The following FAM117B variants were observed in gnomAD, a reference collection of about 807,000 sequenced individuals.
FAM117B encodes the protein protein FAM117B.
Under a neutral mutation model 52.8 loss-of-function variants are expected in FAM117B, and 22 were observed. That is an observed-to-expected ratio of 0.42 (90% confidence interval 0.30 to 0.59). The LOEUF is 0.59. Among genes scored for constraint, FAM117B ranks in the 20% least tolerant of loss-of-function variants. The pLI, the probability that FAM117B is intolerant of heterozygous loss-of-function variation, is 0.22. For missense variants in FAM117B, 678 were observed against 802.6 expected (o/e 0.84, Z 1.88); for synonymous variants, 309 against 324.1 (o/e 0.95, Z 0.50).
intron 2 of FAM117B, among the ~76,000 whole-genome samples, chr2:202,714,511 AGTT>A (rs1156810379): frequency 3.0e-4 from 44 of 146,516 alleles, no homozygotes; most frequent in African/African-American, 1.0e-3. Context: ...ATATATTTAC[AGTT>A]GTTATATCTT....
At chr2:202,683,322 C>CTT (rs1559101433) in intron 1 of FAM117B, among the ~76,000 whole-genome samples, 2 of 151,692 alleles carry the variant, frequency 1.3e-5, no homozygotes. Flanking sequence ...GGGTGAGACT[C>CTT]TGTCTCAAAA....
chr2:202,757,243 C>T lies in FAM117B; in HGVS notation c.1135C>T (p.Pro379Ser). Residue 379 changes from proline to serine, a missense_variant, in exon 6 of 8, where the codon CCA becomes TCA. By Grantham distance (74) the Pro-to-Ser change is moderately conservative. Around this residue, in one of 3 missense-constraint regions of FAM117B, gnomAD observed 583 missense variants for 644.8 expected, o/e 0.90. Transcript: ENST00000392238. ...PQDIPDGHRA[P>S]PPLVQRSSST... ...AGATATTCCAGATGGCCATCGTGCT[C>T]CACCCCCCCTTGTACAGAGAAGTAG... The T allele has an allele frequency of 6.2e-7, 1 of 1,614,062 alleles. No individual in the cohort carries two copies.
chr2:202,677,135 T>G (rs1690389696), intron 1 of FAM117B, among the ~76,000 whole-genome samples: 1 of 151,200 alleles, frequency 6.6e-6, no homozygotes, highest in South Asian at 2.1e-4. Context: ...TGGCGCAATC[T>G]CGGCTCACTA....
In FAM117B at chr2:202,635,686, G is replaced by A; in HGVS notation, c.499G>A (p.Ala167Thr). Reference sequence around the variant, plus strand: ...CCACCTGTGGACCGGCGAGGTGAGCGCGGCCCCACCCCCAGCCCGCGTCCG... The same window carrying A: ...CCACCTGTGGACCGGCGAGGTGAGCACGGCCCCACCCCCAGCCCGCGTCCG... ...PTHLWTGEVS[A>T]APPPARVRHR... Residue 167 changes from alanine to threonine, a missense_variant, in exon 1 of 8, where the codon GCG (alanine) becomes ACG (threonine). Coordinates refer to ENST00000392238, the MANE Select transcript of FAM117B (RefSeq NM_173511.4). The A allele has an allele frequency of 3.5e-6, 5 of 1,410,010 alleles. No homozygotes were observed. Among genetic ancestry groups the A allele is most frequent in the Non-Finnish European group, 4.6e-6 (5 of 1,082,692 alleles). 87.3% of individuals were successfully genotyped at this position (1,410,010 alleles called of 1,614,324 possible).
intron 3 of FAM117B, 63 bp downstream of exon 3, chr2:202,725,072 T>C: frequency 7.9e-7 from 1 of 1,268,422 alleles, no homozygotes; most frequent in Non-Finnish European, 1.1e-6. Flanking sequence ...GCTATTTCCT[T>C]GATATTATGG....
chr2:202,685,040 T>C (rs1690518783), intron 1 of FAM117B, among the ~76,000 whole-genome samples: 1 of 151,920 alleles, frequency 6.6e-6, no homozygotes, highest in Non-Finnish European at 1.5e-5. Context: ...TGGAATGCAG[T>C]GGTGTGATCT....
At chr2:202,643,723 T>C (rs1449779841) in intron 1 of FAM117B, among the ~76,000 whole-genome samples, 1 of 152,172 alleles carries the variant, frequency 6.6e-6, no homozygotes, top group Admixed American at 6.5e-5. Flanking sequence ...TTCTTTCTTT[T>C]TTTTGAGACA....
At chr2:202,725,524 G>C (rs1454539059) in intron 3 of FAM117B, among the ~76,000 whole-genome samples, 1 of 152,060 alleles carries the variant, frequency 6.6e-6, no homozygotes, top group East Asian at 1.9e-4. Context: ...TCATCATGTT[G>C]TCCAGGCTGG....
rs1376200257 is a variant in FAM117B at position 202,635,349 on chromosome 2, C to T, written c.162C>T (p.Pro54=). Residue 54 remains proline (P), a synonymous_variant, in exon 1 of 8, where the codon CCC becomes CCT. Coordinates refer to ENST00000392238, the MANE Select transcript of FAM117B (RefSeq NM_173511.4). ...AGCAGCAGCAGCAACATGGCAGCCCCACGCGGAGCGGCGGCGGCGGCGGCG... is the reference window on the plus strand; with the variant it reads ...AGCAGCAGCAGCAACATGGCAGCCCTACGCGGAGCGGCGGCGGCGGCGGCG... ...KQQQQQQHGS[P]TRSGGGGGGN... is the part of the protein sequence containing the mutation. 1.5e-6 allele frequency: 2 copies of T among 1,356,348 alleles called. No homozygotes were observed. Among genetic ancestry groups the T allele is most frequent in the Admixed American group, 3.1e-5 (1 of 32,574 alleles). The allele number at this position is 1,356,348 out of a possible 1,614,324, so 84.0% of individuals were successfully genotyped here.
chr2:202,668,690 G>C (rs1013789591), intron 1 of FAM117B, among the ~76,000 whole-genome samples: 1 of 151,670 alleles, frequency 6.6e-6, no homozygotes, highest in African/African-American at 2.4e-5. Context: ...GTATAGGATG[G>C]TAGATTTTGG....
intron 2 of FAM117B, among the ~76,000 whole-genome samples, chr2:202,710,106 G>C (rs555191948): frequency 6.6e-6 from 1 of 152,076 alleles, no homozygotes; most frequent in Non-Finnish European, 1.5e-5. Context: ...TTGGCTATTC[G>C]TGGTCTTTTG....
chr2:202,674,496 C>T (rs1375628762), intron 1 of FAM117B, among the ~76,000 whole-genome samples: 1 of 152,248 alleles, frequency 6.6e-6, no homozygotes, highest in African/African-American at 2.4e-5. Context: ...ATCTACTCTG[C>T]TGCACTTCTG....
At chr2:202,725,974 C>T (rs749560700) in intron 3 of FAM117B, among the ~76,000 whole-genome samples, 5 of 151,894 alleles carry the variant, frequency 3.3e-5, no homozygotes, top group Non-Finnish European at 7.4e-5. Flanking sequence ...TTTTTTAATT[C>T]TTCGTGAAAA....
chr2:202,650,883 T>G (rs1689945217), intron 1 of FAM117B, among the ~76,000 whole-genome samples: 1 of 152,132 alleles, frequency 6.6e-6, no homozygotes, highest in Non-Finnish European at 1.5e-5. Context: ...CCACCCTGAT[T>G]GAGGGTGGGT....
At chr2:202,649,676 C>T (rs188546223) in intron 1 of FAM117B, among the ~76,000 whole-genome samples, 4 of 152,064 alleles carry the variant, frequency 2.6e-5, no homozygotes, top group East Asian at 3.9e-4. Flanking sequence ...CTCAGCCTCT[C>T]GAGTAGCTGG....
In FAM117B at chr2:202,765,887, G is replaced by A. The variant is rs529447320; in HGVS notation, c.*123G>A. The A allele has an allele frequency of 7.2e-5, 75 of 1,048,428 alleles. No homozygotes were observed. Among genetic ancestry groups the A allele is most frequent in the Non-Finnish European group, 9.2e-5 (68 of 735,874 alleles). The allele number at this position is 1,048,428 out of a possible 1,614,324, so 64.9% of individuals were successfully genotyped here. On this transcript the variant is annotated 3_prime_UTR_variant, in exon 8 of 8. Transcript: ENST00000392238. Reference sequence around the variant, plus strand: ...CTCCAGCTTTCCAGTGACATGTGACGGCGAGGCTTCTGGAAGAAAGGATCC... The same window carrying A: ...CTCCAGCTTTCCAGTGACATGTGACAGCGAGGCTTCTGGAAGAAAGGATCC...
At chr2:202,640,090 C>T (rs1033346259) in intron 1 of FAM117B, among the ~76,000 whole-genome samples, 4 of 151,288 alleles carry the variant, frequency 2.6e-5, no homozygotes, top group Non-Finnish European at 5.9e-5. Flanking sequence ...CCCAACATGG[C>T]GAAACCCTGT....
In FAM117B at chr2:202,757,281, CA is replaced by C. The variant is rs1382618052; in HGVS notation, c.1174del (p.Ile392LeufsTer111). The C allele has an allele frequency of 6.2e-7, 1 of 1,614,148 alleles. No individual in the cohort carries two copies. Among genetic ancestry groups the C allele is most frequent in the Non-Finnish European group, 8.5e-7 (1 of 1,180,032 alleles). On this transcript the variant is annotated frameshift_variant, in exon 6 of 8. Transcript: ENST00000392238. LOFTEE classifies it high-confidence loss of function. ...LVQRSSSTRS[I>X]DTQTPGGADR... ...TACAGAGAAGTAGCAGCACGCGCAGCATTGACACACAGACGCCTGGTGGGGC... is the reference window on the plus strand; with the variant it reads ...TACAGAGAAGTAGCAGCACGCGCAGCTTGACACACAGACGCCTGGTGGGGC...
intron 1 of FAM117B, among the ~76,000 whole-genome samples, chr2:202,679,499 C>T (rs903721579): frequency 1.3e-5 from 2 of 152,158 alleles, no homozygotes; most frequent in African/African-American, 4.8e-5. Context: ...CTCCATTAGG[C>T]TGGACAAGGA....
Sources: gnomAD v4.1 joint callset for allele counts (sites outside exome capture counted in the v4.1 genomes callset) on GRCh38, gnomAD v4.1.1 for gene constraint, gnomAD v4.1.1 regional missense constraint, MANE v1.5 for transcripts, NCBI Gene and HGNC (gene_info 2026-07-23, HGNC 2026-07-21) for gene names.